C1orf21: variants seen among roughly 807,000 people sequenced by gnomAD.
C1orf21 encodes the protein chromosome 1 open reading frame 21.
Under a neutral mutation model 18.7 loss-of-function variants are expected in C1orf21, and 3 were observed. That is an observed-to-expected ratio of 0.16 (90% CI 0.07 to 0.42). The LOEUF (loss-of-function observed/expected upper bound fraction) is 0.42, where lower values mean the gene tolerates loss of function less well. C1orf21 is among the 10% of genes least tolerant of loss of function. The pLI, the probability that C1orf21 is intolerant of heterozygous loss-of-function variation, is 0.99. For synonymous variants in C1orf21, 41 were observed against 46.4 expected, an observed-to-expected ratio of 0.88 and a Z score of 0.47; for missense variants, 104 against 143.6, an observed-to-expected ratio of 0.72 and a Z score of 1.41.
Position 184,560,489 on chromosome 1 carries a change from G to A in C1orf21, c.190-30250G>A, listed in dbSNP as rs1200832717. ...TGGTTCATATGAGCCAGAAGAAAAGGCAAATCAGAATATTTTTAAGAAAAT... is the reference window on the plus strand; with the variant it reads ...TGGTTCATATGAGCCAGAAGAAAAGACAAATCAGAATATTTTTAAGAAAAT... On this transcript the variant is annotated intron_variant, in intron 3 of 5. Coordinates refer to ENST00000235307, the MANE Select transcript of C1orf21 (RefSeq NM_030806.4). Among the ~76,000 whole-genome samples the A allele has an allele frequency of 5.9e-5, 9 of 152,186 alleles. 1 individual carries two copies. In the South Asian group the frequency reaches 1.7e-3, roughly 28 times the overall value.
At chr1:184,463,049 T>C (rs534668363) in intron 1 of C1orf21, among the ~76,000 whole-genome samples, 227 of 141,486 alleles carry the variant, frequency 1.6e-3, no homozygotes, top group African/African-American at 5.8e-3. Flanking sequence ...GCCATTGCAC[T>C]CTGGCCTGGG....
At chr1:184,560,871 A>C (rs1167688802) in intron 3 of C1orf21, among the ~76,000 whole-genome samples, 2 of 152,218 alleles carry the variant, frequency 1.3e-5, no homozygotes, top group Non-Finnish European at 2.9e-5. Flanking sequence ...GACTAATGGC[A>C]GCTCTGAAAT....
At chr1:184,613,919 A>T (rs548601475) in intron 5 of C1orf21, among the ~76,000 whole-genome samples, 1 of 152,060 alleles carries the variant, frequency 6.6e-6, no homozygotes, top group African/African-American at 2.4e-5. Context: ...AGGAAGGAAA[A>T]TTGCTTGAAC....
At chr1:184,554,992 T>G (rs189145749) in intron 3 of C1orf21, among the ~76,000 whole-genome samples, 1,984 of 152,218 alleles carry the variant, frequency 0.013, 17 homozygotes, top group Non-Finnish European at 0.023. Flanking sequence ...GCCCCCAGTC[T>G]CTATTATTCT....
At chr1:184,480,927 G>C (rs12565457) in intron 2 of C1orf21, among the ~76,000 whole-genome samples, 1,709 of 152,272 alleles carry the variant, frequency 0.011, 24 homozygotes, top group East Asian at 0.022. Flanking sequence ...ACACTCTCCA[G>C]GTGGGAGAGC....
intron 1 of C1orf21, among the ~76,000 whole-genome samples, chr1:184,437,666 A>T (rs1374678464): frequency 6.6e-6 from 1 of 152,116 alleles, no homozygotes; most frequent in African/African-American, 2.4e-5. Flanking sequence ...GACCAGTTTC[A>T]TGGAAGACAA....
At chr1:184,610,290 C>T (rs776419471) in intron 5 of C1orf21, among the ~76,000 whole-genome samples, 4 of 152,188 alleles carry the variant, frequency 2.6e-5, no homozygotes, top group Admixed American at 6.5e-5. Context: ...TATCTATGGC[C>T]GCTTTCAAGC....
At chr1:184,563,727 C>G (rs958831424) in intron 3 of C1orf21, among the ~76,000 whole-genome samples, 2 of 152,166 alleles carry the variant, frequency 1.3e-5, no homozygotes, top group Non-Finnish European at 2.9e-5. Flanking sequence ...TATCCATTGT[C>G]GCTGCTTTGG....
intron 5 of C1orf21, among the ~76,000 whole-genome samples, chr1:184,614,394 T>G (rs1298141734): frequency 6.6e-6 from 1 of 152,190 alleles, no homozygotes; most frequent in Non-Finnish European, 1.5e-5. Context: ...TCACACTGAT[T>G]GTTACATGTC....
At chr1:184,466,010 T>G (rs541906577) in intron 1 of C1orf21, among the ~76,000 whole-genome samples, 115 of 150,652 alleles carry the variant, frequency 7.6e-4, no homozygotes, top group Non-Finnish European at 1.5e-3. Flanking sequence ...AGCTTGTCAC[T>G]ATGGTCTCTT....
chr1:184,537,089 T>A (rs980795047), intron 3 of C1orf21, among the ~76,000 whole-genome samples: 63 of 152,272 alleles, frequency 4.1e-4, no homozygotes, highest in African/African-American at 1.5e-3. Context: ...ATGTCTGATG[T>A]TTGAATTAGA....
At chr1:184,444,719 C>T (rs1657002429) in intron 1 of C1orf21, among the ~76,000 whole-genome samples, 1 of 151,998 alleles carries the variant, frequency 6.6e-6, no homozygotes, top group African/African-American at 2.4e-5. Flanking sequence ...GTCCATCTCA[C>T]AAGATTGTTG....
In C1orf21 at chr1:184,387,635, G is replaced by A. The variant is rs866813932; in HGVS notation, c.-125+267G>A. On this transcript the variant is annotated intron_variant, in intron 1 of 5. Transcript: ENST00000235307. This position sits in a 1 kb window ranked among gnomAD's most constrained non-coding sequence, Gnocchi z 5.6. ...GGGCGTCTGCCGGCCTGGGCGGAGG[G>A]GCTGGGATGTGGTCGGGGCTGCTGA... is the stretch of plus-strand genomic sequence containing the variant. Among the ~76,000 whole-genome samples, 136 of 152,234 alleles carry A rather than the reference G, an allele frequency of 8.9e-4. 1 individual carries two copies. The highest frequency in any genetic ancestry group is 3.4e-3 in the Middle Eastern group (1 of 294).
chr1:184,569,833 C>G lies in C1orf21; in HGVS notation c.190-20906C>G, dbSNP rs149091037. On this transcript the variant is annotated intron_variant, in intron 3 of 5. Transcript: ENST00000235307. ...GGGTTGGTAAAGGACTTACTGTTGT[C>G]AGTTCAGGAAGAGGTCACTGTGCTG... is the stretch of plus-strand genomic sequence containing the variant. Among the ~76,000 whole-genome samples, 958 of 152,300 alleles carry G rather than the reference C, an allele frequency of 6.3e-3. 3 individuals are homozygous for G. Among genetic ancestry groups the G allele is most frequent in the Middle Eastern group, 0.02 (6 of 294 alleles).
At chr1:184,548,820 C>A (rs1463372301) in intron 3 of C1orf21, among the ~76,000 whole-genome samples, 4 of 152,114 alleles carry the variant, frequency 2.6e-5, no homozygotes, top group Admixed American at 1.3e-4. Context: ...GACTTTTCAA[C>A]AGTAAAAGTC....
rs200889986 is a variant in C1orf21, at chr1:184,584,135, T to TC, written c.190-6604_190-6603insC. On this transcript the variant is annotated intron_variant, in intron 3 of 5. Coordinates refer to ENST00000235307, the MANE Select transcript of C1orf21 (RefSeq NM_030806.4). ...TGGTTTGTTTGCTTGTTCTTCTTCT[T>TC]TTTTTTTTTTTTTTTTTTTTAAGAA... Among the ~76,000 whole-genome samples, 994 of 124,434 alleles carry TC rather than the reference T, an allele frequency of 8.0e-3. 4 individuals are homozygous for TC. The highest frequency in any genetic ancestry group is 0.023 in the African/African-American group (668 of 29,304). The allele number at this position is 124,434 out of a possible 152,430, so 81.6% of individuals were successfully genotyped here.
At chr1:184,499,238 A>G (rs1487340872) in intron 2 of C1orf21, among the ~76,000 whole-genome samples, 1 of 152,174 alleles carries the variant, frequency 6.6e-6, no homozygotes, top group Non-Finnish European at 1.5e-5. Flanking sequence ...TAATGCTAAG[A>G]ATATATGTCT....
chr1:184,523,446 A>G (rs1456095863), intron 3 of C1orf21, among the ~76,000 whole-genome samples: 1 of 152,218 alleles, frequency 6.6e-6, no homozygotes, highest in Non-Finnish European at 1.5e-5. Context: ...GGTACTCCTG[A>G]AAACTATCAA....
intron 1 of C1orf21, among the ~76,000 whole-genome samples, chr1:184,419,662 G>T (rs1656514402): frequency 6.6e-6 from 1 of 151,958 alleles, no homozygotes; most frequent in African/African-American, 2.4e-5. Context: ...AAAAAACAGA[G>T]CTTAAAGGAC....
Sources: allele counts gnomAD v4.1 joint callset (sites outside exome capture counted in the v4.1 genomes callset), GRCh38; gene constraint gnomAD v4.1.1; non-coding constraint Gnocchi (gnomAD v3.1); transcripts MANE v1.5; gene names NCBI Gene and HGNC (gene_info 2026-07-23, HGNC 2026-07-21).